Variants in ZNF596 observed in about 807,000 individuals in gnomAD.
ZNF596 encodes the protein zinc finger protein 596.
Under a neutral mutation model 48.3 loss-of-function variants are expected in ZNF596, and 45 were observed. That is an observed-to-expected ratio of 0.93 (90% CI 0.73 to 1.19). The LOEUF is 1.19. Among genes scored for constraint, ZNF596 ranks in the 50% most tolerant of loss-of-function variants. ZNF596 has a pLI of 0.00. For missense variants in ZNF596, 848 were observed against 599.7 expected (o/e 1.41, Z -4.32); for synonymous variants, 270 against 202.0 (o/e 1.34, Z -2.85).
chr8:237,176 A>G (rs1414031387), intron 1 of ZNF596: 1 of 152,168 alleles, frequency 6.6e-6, no homozygotes, highest in Non-Finnish European at 1.5e-5. Flanking sequence ...CTACTTTTAA[A>G]TAAATACAGT....
intron 4 of ZNF596, chr8:244,380 A>C (rs1796974798): frequency 1.9e-6 from 1 of 519,264 alleles, no homozygotes; most frequent in Non-Finnish European, 3.4e-6. Context: ...CTAGCCCTTT[A>C]TAATGGTCCT....
At chr8:237,314 T>C (rs1333422842) in intron 1 of ZNF596, 4 of 152,292 alleles carry the variant, frequency 2.6e-5, no homozygotes, top group African/African-American at 9.6e-5. Flanking sequence ...TTATTATTTA[T>C]TAAATTGTTT....
At chr8:243,622 T>A (rs116847950) in intron 3 of ZNF596, 100 bp from the exon 4 acceptor site, 15,681 of 1,124,826 alleles carry the variant, frequency 0.014, 144 homozygotes, top group Middle Eastern at 0.029. Context: ...TGACCTTCAG[T>A]GGCTAACTTA....
intron 1 of ZNF596, among the ~76,000 whole-genome samples, chr8:238,628 CAAAAAAAAAAAAAAAAA>C (rs1167168569): frequency 5.0e-5 from 2 of 39,882 alleles, no homozygotes; most frequent in Non-Finnish European, 1.3e-4. Context: ...TGGTGAAATA[CAAAAAAAAAAAAAAAAA>C]AAAAAAAAAA....
In ZNF596 at chr8:245,582, C is replaced by A; in HGVS notation, c.735C>A (p.His245Gln). 1 of 1,614,090 alleles carries A rather than the reference C, an allele frequency of 6.2e-7. No individual in the cohort carries two copies. Among genetic ancestry groups the A allele is most frequent in the Non-Finnish European group, 8.5e-7 (1 of 1,180,008 alleles). Residue 245 changes from histidine to glutamine, a missense_variant, in exon 6 of 6, where the codon CAC becomes CAA. Physicochemically the swap from His to Gln is conservative, Grantham distance 24. Coordinates refer to ENST00000398612, the MANE Select transcript of ZNF596 (RefSeq NM_001042416.3). ...ATCTTCGAAAACATGAGAGAACTCA[C>A]ACTGGAGAGAAGCCATATGGATGTC... ...CSDLRKHERTHTGEKPYGCHL... is the reference protein window; with the variant it reads ...CSDLRKHERTQTGEKPYGCHL...
chr8:233,234 G>C (rs1278167408), intron 1 of ZNF596: 1 of 417,678 alleles, frequency 2.4e-6, no homozygotes, highest in East Asian at 7.2e-5. Context: ...GGAATCAGCA[G>C]AGATATGGAG....
intron 2 of ZNF596, among the ~76,000 whole-genome samples, chr8:241,859 T>C (rs561535017): frequency 2.2e-4 from 34 of 152,140 alleles, no homozygotes; most frequent in Non-Finnish European, 4.9e-4. Flanking sequence ...TCCAGAAACT[T>C]ACAATCATGG....
In ZNF596 at chr8:239,160, T is replaced by C. The variant is rs552965284; in HGVS notation, c.-72-1664T>C. Among the ~76,000 whole-genome samples, 233 of 152,270 alleles carry C rather than the reference T, an allele frequency of 1.5e-3. 1 individual carries two copies. The highest frequency in any genetic ancestry group is 2.6e-3 in the Non-Finnish European group (175 of 68,008). On this transcript the variant is annotated intron_variant, in intron 1 of 5. Coordinates refer to ENST00000398612, the MANE Select transcript of ZNF596 (RefSeq NM_001042416.3). ...TAAAAGTGAAGAAACTGTCTGTCTT[T>C]GCTAAAAATTGGAGGGTCCTAAGAA...
At chr8:238,177 C>A (rs1217272757) in intron 1 of ZNF596, among the ~76,000 whole-genome samples, 1 of 152,122 alleles carries the variant, frequency 6.6e-6, no homozygotes, top group Non-Finnish European at 1.5e-5. Flanking sequence ...CAGCGTGACT[C>A]CCATACTCTT....
chr8:240,684 A>G (rs1796817498), intron 1 of ZNF596, 140 bp from the exon 2 acceptor site: 1 of 591,994 alleles, frequency 1.7e-6, no homozygotes, highest in Admixed American at 2.9e-5. Flanking sequence ...ACCCTGGGAG[A>G]GGAGAGCCAC....
chr8:246,321 C>A lies in ZNF596; in HGVS notation c.1474C>A (p.Gln492Lys). ...KAFSKFFNLR[Q>K]HERTHTKKAM... The stretch of plus-strand genomic sequence containing the variant: ...CTTTAGTAAATTTTTTAACCTTAGA[C>A]AACATGAGAGAACTCACACTAAAAA... The change falls in exon 6 of 6, where the codon CAA becomes AAA. Residue 492 changes from glutamine (Q) to lysine (K), a missense_variant. Coordinates refer to ENST00000398612, the MANE Select transcript of ZNF596 (RefSeq NM_001042416.3). 1.9e-6 allele frequency: 3 copies of A among 1,602,178 alleles called. No individual in the cohort carries two copies. In the South Asian group the frequency reaches 3.4e-5, roughly 18 times the overall value.
intron 5 of ZNF596, 84 bp from the exon 6 acceptor site, chr8:245,070 G>T: frequency 6.9e-7 from 1 of 1,447,530 alleles, no homozygotes; most frequent in South Asian, 1.4e-5. Context: ...GATTATTCTA[G>T]AATTAATATG....
Position 245,421 on chromosome 8 carries a change from G to C in ZNF596, c.574G>C (p.Glu192Gln). Residue 192 changes from glutamate (E) to glutamine (Q), a missense_variant, in exon 6 of 6, where the codon GAG (glutamate) becomes CAG (glutamine). By Grantham distance (29) the Glu-to-Gln change is conservative. Coordinates refer to ENST00000398612, the MANE Select transcript of ZNF596 (RefSeq NM_001042416.3). The part of the protein sequence containing the change: ...LRPHSVTHTR[E>Q]ITLECRVCGK... ...ACCACACAGTGTGACTCACACTAGA[G>C]AGATAACATTGGAATGTCGTGTGTG... The C allele has an allele frequency of 3.1e-6, 5 of 1,614,164 alleles. No homozygotes were observed. Among genetic ancestry groups the C allele is most frequent in the Non-Finnish European group, 4.2e-6 (5 of 1,180,014 alleles).
intron 4 of ZNF596, 126 bp from the exon 5 acceptor site, chr8:244,493 T>C (rs1796980670): frequency 2.9e-6 from 2 of 687,490 alleles, no homozygotes; most frequent in African/African-American, 1.8e-5. Flanking sequence ...CCTTAAAGTA[T>C]GGTTAATTTA....
chr8:241,016 T>G (rs1796832546), intron 2 of ZNF596, 109 bp downstream of exon 2: 10 of 1,352,132 alleles, frequency 7.4e-6, no homozygotes, highest in Non-Finnish European at 1.1e-5. Context: ...GGATCCAAGC[T>G]CCAATTAAGA....
chr8:245,243 C>T lies in ZNF596; in HGVS notation c.396C>T (p.Thr132=), dbSNP rs1351202337. The T allele has an allele frequency of 7.4e-6, 12 of 1,613,988 alleles. No individual in the cohort carries two copies. The South Asian group carries it at 1.3e-4, about 18-fold the overall frequency. ...TAGCATTGACTCAAAATGTGATTAC[C>T]TACATGAGAACGAAACACTTTGTAA... ...QHIALTQNVI[T]YMRTKHFVSK... Residue 132 remains threonine, a synonymous_variant, in exon 6 of 6, where the codon ACC becomes ACT. Transcript: ENST00000398612.
chr8:244,545 T>G (rs1020790638), intron 4 of ZNF596, 74 bp from the exon 5 acceptor site: 87 of 980,850 alleles, frequency 8.9e-5, no homozygotes, highest in Non-Finnish European at 1.3e-4. Flanking sequence ...CACACTCAAA[T>G]GGGCTTTGGA....
chr8:243,913 A>C, intron 4 of ZNF596, 108 bp downstream of exon 4: 1 of 899,898 alleles, frequency 1.1e-6, no homozygotes, highest in East Asian at 2.9e-5. Context: ...TTTTAGACAG[A>C]ATCTCACTCT....
chr8:233,877 G>C (rs978293662), intron 1 of ZNF596, among the ~76,000 whole-genome samples: 2 of 152,144 alleles, frequency 1.3e-5, no homozygotes, highest in African/African-American at 4.8e-5. Flanking sequence ...TCTTTAGGGG[G>C]CAGGGATGTT....
Sources: allele counts gnomAD v4.1 joint callset (sites outside exome capture counted in the v4.1 genomes callset), GRCh38; gene constraint gnomAD v4.1.1; transcripts MANE v1.5; gene names NCBI Gene and HGNC (gene_info 2026-07-23, HGNC 2026-07-21).